The following SCN10A variants were observed in gnomAD, a reference collection of about 807,000 sequenced individuals.
SCN10A encodes sodium voltage-gated channel alpha subunit 10, also known as sodium channel protein type 10 subunit alpha.
In SCN10A, 162 loss-of-function variants were observed where a neutral mutation model predicts 170.7. The ratio of observed to expected loss-of-function variants is 0.95; its 90% CI spans 0.84 to 1.08. The LOEUF is 1.08. Among genes scored for constraint, SCN10A ranks in the 50% least tolerant of loss-of-function variants. The probability of loss-of-function intolerance (pLI) is 0.00; values close to 1 mark genes in which losing one functional copy is unlikely to be tolerated. For synonymous variants in SCN10A, 985 were observed against 904.6 expected (o/e 1.09, Z -1.59); for missense variants, 2,527 against 2,436.9 (o/e 1.04, Z -0.78).
At chr3:38,769,351 G>A (rs1176715090) in intron 5 of SCN10A, among the ~76,000 whole-genome samples, 1 of 146,584 alleles carries the variant, frequency 6.8e-6, no homozygotes, top group African/African-American at 2.5e-5. Flanking sequence ...CAATTCTCCT[G>A]CCTCAGTCTC....
At chr3:38,698,805 C>T (rs975847181) in intron 27 of SCN10A, among the ~76,000 whole-genome samples, 1 of 152,160 alleles carries the variant, frequency 6.6e-6, no homozygotes, top group Admixed American at 6.5e-5. Context: ...TCTTTGCCTC[C>T]GCCTAGAATA....
chr3:38,701,272 A>G (rs563871364), intron 27 of SCN10A, among the ~76,000 whole-genome samples: 10 of 152,310 alleles, frequency 6.6e-5, no homozygotes, highest in African/African-American at 2.2e-4. Flanking sequence ...CCTTAACAGT[A>G]TTAATTTCTT....
At chr3:38,777,344 T>C (rs1364595720) in intron 4 of SCN10A, among the ~76,000 whole-genome samples, 2 of 152,006 alleles carry the variant, frequency 1.3e-5, no homozygotes, top group Non-Finnish European at 2.9e-5. Flanking sequence ...TAGAAATTAA[T>C]AATATTAAGA....
At chr3:38,812,074 C>T (rs1282762737) in intron 1 of SCN10A, among the ~76,000 whole-genome samples, 2 of 152,166 alleles carry the variant, frequency 1.3e-5, no homozygotes, top group Admixed American at 6.5e-5. Context: ...TGCTGCTGTC[C>T]CATGCTTAGC....
At chr3:38,710,937 C>T in intron 23 of SCN10A, 40 bp from the exon 24 acceptor site, 1 of 1,573,030 alleles carries the variant, frequency 6.4e-7, no homozygotes, top group Non-Finnish European at 8.7e-7. Flanking sequence ...GTCTGCCCAT[C>T]CATCTATACT....
chr3:38,797,641 T>C (rs756571803), intron 1 of SCN10A, among the ~76,000 whole-genome samples: 6 of 152,234 alleles, frequency 3.9e-5, no homozygotes, highest in Non-Finnish European at 8.8e-5. Flanking sequence ...GAAACAAAGA[T>C]TAAGTTAACT....
At chr3:38,749,950 A>C in intron 13 of SCN10A, 123 bp downstream of exon 13, 1 of 530,630 alleles carries the variant, frequency 1.9e-6, no homozygotes, top group South Asian at 3.6e-5. Context: ...AAGAATGAGG[A>C]GTATTAGGAA....
In SCN10A at chr3:38,752,440, G is replaced by T; in HGVS notation, c.1534C>A (p.Arg512=). The change falls in exon 12 of 28, where the codon CGA becomes AGA. Residue 512 remains arginine (R), a synonymous_variant. Coordinates refer to ENST00000449082, the MANE Select transcript of SCN10A (RefSeq NM_006514.4). ...GSVFHFRSPG[R]DISLPEGVTD... ...ACTCCCTCAGGGAGTGAGATATCTC[G>T]GCCAGGGGACCGGAAATGGAACACA... 6.2e-7 allele frequency: 1 copy of T among 1,612,932 alleles called. No homozygotes were observed.
In SCN10A at chr3:38,735,873, T is replaced by G. The variant is rs140797187; in HGVS notation, c.2280+3642A>C. Among the ~76,000 whole-genome samples, 6 of 152,358 alleles carry G rather than the reference T, an allele frequency of 3.9e-5. No individual in the cohort carries two copies. In the East Asian group the frequency reaches 1.2e-3, roughly 29 times the overall value. ...AATCAATCAACAGGTGTTTATTGAG[T>G]TCCTATGTATGTGCTGGGCCTTGTG... On this transcript the variant is annotated intron_variant, in intron 15 of 27. Transcript: ENST00000449082.
chr3:38,778,767 C>G (rs1161755514), intron 4 of SCN10A, among the ~76,000 whole-genome samples: 2 of 152,034 alleles, frequency 1.3e-5, no homozygotes, highest in African/African-American at 2.4e-5. Flanking sequence ...ACATAGGAAA[C>G]AACTAATGGC....
chr3:38,735,292 C>T (rs542162046), intron 15 of SCN10A, among the ~76,000 whole-genome samples: 52 of 151,044 alleles, frequency 3.4e-4, no homozygotes, highest in Middle Eastern at 3.5e-3. Context: ...TAATAAGAGA[C>T]ATTTCTAGAT....
chr3:38,768,956 T>C (rs1239216124), intron 5 of SCN10A, among the ~76,000 whole-genome samples: 1 of 152,132 alleles, frequency 6.6e-6, no homozygotes, highest in Non-Finnish European at 1.5e-5. Context: ...TTTTAAAAAT[T>C]CTTTCTTTTT....
Position 38,709,541 on chromosome 3 carries a change from GC to G in SCN10A, c.4217del (p.Gly1406AlafsTer5). ...LYFVIFIIFGGFFTLNLFVGV... is the reference protein window; with the variant it reads ...LYFVIFIIFGXFFTLNLFVGV... Reference sequence around the variant, plus strand: ...CAACAAAGAGATTCAGTGTGAAGAAGCCTCCAAAAATGATGAAGATGACAAA... The same window carrying G: ...CAACAAAGAGATTCAGTGTGAAGAAGCTCCAAAAATGATGAAGATGACAAA... On this transcript the variant is annotated frameshift_variant, in exon 25 of 28. Coordinates refer to ENST00000449082, the MANE Select transcript of SCN10A (RefSeq NM_006514.4). LOFTEE classifies it high-confidence loss of function. 1.9e-6 allele frequency: 3 copies of G among 1,613,192 alleles called. No individual in the cohort carries two copies. Among genetic ancestry groups the G allele is most frequent in the Non-Finnish European group, 2.5e-6 (3 of 1,179,604 alleles).
chr3:38,763,670 A>G, intron 5 of SCN10A, 74 bp from the exon 6 acceptor site: 1 of 1,078,094 alleles, frequency 9.3e-7, no homozygotes. Context: ...AATAAGGATA[A>G]CCTGGGGTAT....
At chr3:38,803,459 A>G (rs1467192716) in intron 1 of SCN10A, among the ~76,000 whole-genome samples, 1 of 152,204 alleles carries the variant, frequency 6.6e-6, no homozygotes, top group Non-Finnish European at 1.5e-5. Flanking sequence ...ACCACAGAAT[A>G]CTATGCAGCC....
At chr3:38,758,414 T>A (rs2063833191) in intron 8 of SCN10A, among the ~76,000 whole-genome samples, 1 of 152,220 alleles carries the variant, frequency 6.6e-6, no homozygotes, top group South Asian at 2.1e-4. Flanking sequence ...GAGGATTAAA[T>A]GAGATCACTG....
rs138286254 is a variant in SCN10A at position 38,782,618 on chromosome 3, AT to A, written c.470+6337del. ...CCCAAATAACTCATTTTGCAAAAAA[AT>A]GTTTTACATTAAAACTCCAAAAGAA... On this transcript the variant is annotated intron_variant, in intron 4 of 27. Coordinates refer to ENST00000449082, the MANE Select transcript of SCN10A (RefSeq NM_006514.4). Among the ~76,000 whole-genome samples, 850 of 152,256 alleles carry A rather than the reference AT, an allele frequency of 5.6e-3. 2 individuals carry two copies. Among genetic ancestry groups the A allele is most frequent in the Middle Eastern group, 0.014 (4 of 294 alleles).
intron 1 of SCN10A, among the ~76,000 whole-genome samples, chr3:38,795,347 C>CTTTTTTT (rs1219351048): frequency 1.6e-5 from 2 of 127,866 alleles, no homozygotes; most frequent in South Asian, 2.5e-4. Context: ...TTTTCTTTTT[C>CTTTTTTT]TTTTTTTTTT....
At chr3:38,712,897 A>G (rs1335425772) in intron 22 of SCN10A, among the ~76,000 whole-genome samples, 1 of 152,270 alleles carries the variant, frequency 6.6e-6, no homozygotes, top group Non-Finnish European at 1.5e-5. Context: ...TAAATAAGCA[A>G]ATGAGAATCT....
Sources: allele counts gnomAD v4.1 joint callset (sites outside exome capture counted in the v4.1 genomes callset), GRCh38; gene constraint gnomAD v4.1.1; transcripts MANE v1.5; gene names NCBI Gene and HGNC (gene_info 2026-07-23, HGNC 2026-07-21).